The following INSYN2A variants were observed in gnomAD, a reference collection of about 807,000 sequenced individuals.
INSYN2A encodes inhibitory synaptic factor 2A.
A neutral mutation model predicts 39.4 loss-of-function variants in INSYN2A; 17 were observed. That is an observed-to-expected ratio of 0.43 (90% CI 0.30 to 0.65). The LOEUF (loss-of-function observed/expected upper bound fraction) is 0.65. INSYN2A is among the 30% of genes least tolerant of loss of function. The pLI, the probability that INSYN2A is intolerant of heterozygous loss-of-function variation, is 0.14. For missense variants in INSYN2A, 595 were observed against 631.2 expected, an observed-to-expected ratio of 0.94 and a Z score of 0.61; for synonymous variants, 255 against 265.7, an observed-to-expected ratio of 0.96 and a Z score of 0.39.
chr10:127,154,723 TTTTGGCC>T (rs2052865367), intron 4 of INSYN2A, among the ~76,000 whole-genome samples: 1 of 152,126 alleles, frequency 6.6e-6, no homozygotes, highest in Non-Finnish European at 1.5e-5. Context: ...GCCGGGCAGA[TTTTGGCC>T]TTTGTAGGGG....
At position 127,176,364 on chromosome 10, in the gene INSYN2A, A is replaced by G; in HGVS notation, c.32T>C (p.Leu11Pro). The G allele has an allele frequency of 6.2e-7, 1 of 1,612,382 alleles. No individual in the cohort carries two copies. Among genetic ancestry groups the G allele is most frequent in the Non-Finnish European group, 8.5e-7 (1 of 1,179,510 alleles). The change falls in exon 4 of 6, where the codon CTC (leucine) becomes CCC (proline). Residue 11 changes from leucine to proline, a missense_variant. By Grantham distance (98) the Leu-to-Pro change is moderately conservative. Coordinates refer to ENST00000522781, the MANE Select transcript of INSYN2A (RefSeq NM_001039762.3). The surrounding 1 kb of genome is among the most constrained non-coding windows in gnomAD (Gnocchi z 4.4). Reference sequence around the variant, plus strand: ...TTCCACTTCACTCTCCGACGTTGTGAGTATGCATTTGCCGGTGTCCTTACT... The same window carrying G: ...TTCCACTTCACTCTCCGACGTTGTGGGTATGCATTTGCCGGTGTCCTTACT... Reference protein sequence around the residue: MVSKDTGKCILTTSESEVEPA... With the variant: MVSKDTGKCIPTTSESEVEPA...
Position 127,183,071 on chromosome 10 carries a change from CTTTTTTTTTTT to C in INSYN2A, c.-268-5943_-268-5933del, listed in dbSNP as rs3066813. On this transcript the variant is annotated intron_variant, in intron 2 of 5. Coordinates refer to ENST00000522781, the MANE Select transcript of INSYN2A (RefSeq NM_001039762.3). ...CTTTGCCTTCCTGATTATGGTGAAT[CTTTTTTTTTTT>C]TTTTTTTTTTTTTTAACTAAACAGC... Among the ~76,000 whole-genome samples, 6 of 88,634 alleles carry C rather than the reference CTTTTTTTTTTT, an allele frequency of 6.8e-5. No individual in the cohort carries two copies. In the South Asian group the frequency reaches 2.4e-3, roughly 35 times the overall value. 58.1% of individuals were successfully genotyped at this position (88,634 alleles called of 152,430 possible).
Position 127,175,511 on chromosome 10 carries a change from G to T in INSYN2A, c.885C>A (p.Asn295Lys). The T allele has an allele frequency of 6.2e-7, 1 of 1,609,144 alleles. No individual in the cohort carries two copies. The highest frequency in any genetic ancestry group is 8.5e-7 in the Non-Finnish European group (1 of 1,180,006). Residue 295 changes from asparagine (N) to lysine (K), a missense_variant, in exon 4 of 6, where the codon AAC becomes AAA. By Grantham distance (94) the Asn-to-Lys change is moderately conservative. Transcript: ENST00000522781. The surrounding 1 kb of genome is among the most constrained non-coding windows in gnomAD (Gnocchi z 6.3). ...CAGTTTCCGAGGGCGCCTGGAGCCCGTTGAGATGTGTGGCTCTCCTCCGCT... is the reference window on the plus strand; with the variant it reads ...CAGTTTCCGAGGGCGCCTGGAGCCCTTTGAGATGTGTGGCTCTCCTCCGCT... ...DDERRRATHL[N>K]GLQAPSETAL...
At chr10:127,172,765 C>T (rs1399074531) in intron 4 of INSYN2A, among the ~76,000 whole-genome samples, 1 of 152,134 alleles carries the variant, frequency 6.6e-6, no homozygotes, top group South Asian at 2.1e-4. Flanking sequence ...TAAAGTAAAA[C>T]CATCCTTTGT....
intron 5 of INSYN2A, among the ~76,000 whole-genome samples, chr10:127,148,201 A>C (rs938536221): frequency 1.2e-4 from 18 of 152,304 alleles, no homozygotes; most frequent in African/African-American, 4.3e-4. Context: ...TCAGGTTCCA[A>C]GCCCACTCAT....
chr10:127,191,149 C>G (rs899581779), intron 2 of INSYN2A, among the ~76,000 whole-genome samples: 4 of 152,108 alleles, frequency 2.6e-5, no homozygotes, highest in Non-Finnish European at 5.9e-5. Context: ...CTGCTGGGCT[C>G]AGGAGTGCAA....
intron 4 of INSYN2A, among the ~76,000 whole-genome samples, chr10:127,173,275 C>T (rs577520208): frequency 6.6e-6 from 1 of 152,236 alleles, no homozygotes; most frequent in African/African-American, 2.4e-5. Context: ...TCTCAACTTA[C>T]AGGTGAAGAA....
At chr10:127,189,967 T>C (rs1425624855) in intron 2 of INSYN2A, among the ~76,000 whole-genome samples, 1 of 152,224 alleles carries the variant, frequency 6.6e-6, no homozygotes, top group African/African-American at 2.4e-5. Flanking sequence ...GACATCTCCT[T>C]CTCTCATGCT....
intron 5 of INSYN2A, 110 bp from the exon 6 acceptor site, chr10:127,138,130 T>G (rs1420089818): frequency 2.9e-5 from 28 of 978,040 alleles, no homozygotes; most frequent in Non-Finnish European, 3.6e-5. Context: ...TAATGTAATT[T>G]TATGGTTTAA....
chr10:127,185,155 AAATAT>A (rs1250195654), intron 2 of INSYN2A, among the ~76,000 whole-genome samples: 1 of 152,142 alleles, frequency 6.6e-6, no homozygotes, highest in Admixed American at 6.5e-5. Context: ...TCCTTAACAC[AAATAT>A]AAGTGTTCTG....
chr10:127,154,019 A>C (rs1215386024), intron 4 of INSYN2A, 96 bp from the exon 5 acceptor site: 5 of 829,170 alleles, frequency 6.0e-6, no homozygotes, highest in Non-Finnish European at 1.0e-5. Flanking sequence ...CCCAATGCCA[A>C]GCTCATCATG....
intron 5 of INSYN2A, among the ~76,000 whole-genome samples, chr10:127,152,656 C>T (rs1283455936): frequency 6.6e-6 from 1 of 152,242 alleles, no homozygotes; most frequent in Non-Finnish European, 1.5e-5. Flanking sequence ...AGCAGCATTC[C>T]TGGCCTCTAC....
intron 2 of INSYN2A, among the ~76,000 whole-genome samples, chr10:127,180,130 T>G (rs2055587443): frequency 6.6e-6 from 1 of 152,226 alleles, no homozygotes; most frequent in Non-Finnish European, 1.5e-5. Context: ...ATGATAAACT[T>G]GAAAACATCA....
chr10:127,155,274 G>A (rs2052928054), intron 4 of INSYN2A, among the ~76,000 whole-genome samples: 1 of 151,948 alleles, frequency 6.6e-6, no homozygotes. Flanking sequence ...ATCAACATTT[G>A]ACAAAAGGAT....
intron 5 of INSYN2A, among the ~76,000 whole-genome samples, chr10:127,140,929 T>C (rs957022601): frequency 1.3e-5 from 2 of 152,158 alleles, no homozygotes; most frequent in Admixed American, 6.5e-5. Flanking sequence ...AGATAGTGCC[T>C]GGGGGCCTGC....
At chr10:127,184,615 A>G (rs1236181237) in intron 2 of INSYN2A, among the ~76,000 whole-genome samples, 1 of 151,962 alleles carries the variant, frequency 6.6e-6, no homozygotes, top group African/African-American at 2.4e-5. Context: ...GATCATCTAT[A>G]CTTTTTCCTA....
chr10:127,167,697 G>C (rs2054203482), intron 4 of INSYN2A, among the ~76,000 whole-genome samples: 1 of 151,876 alleles, frequency 6.6e-6, no homozygotes, highest in South Asian at 2.1e-4. Context: ...ACAAAATCCA[G>C]GTCTCCTGAC....
At chr10:127,146,048 G>T in intron 5 of INSYN2A, 1 of 518,488 alleles carries the variant, frequency 1.9e-6, no homozygotes, top group South Asian at 1.4e-5. Flanking sequence ...CCCAGCCCTA[G>T]ACATCGTGGC....
chr10:127,153,874 T>A lies in INSYN2A; in HGVS notation c.1234A>T (p.Asn412Tyr). 6.2e-7 allele frequency: 1 copy of A among 1,612,766 alleles called. No individual in the cohort carries two copies. The highest frequency in any genetic ancestry group is 8.5e-7 in the Non-Finnish European group (1 of 1,178,764). The change falls in exon 5 of 6, where the codon AAC (asparagine) becomes TAC (tyrosine). Residue 412 changes from asparagine to tyrosine, a missense_variant. Transcript: ENST00000522781. ...QDTANCDTCR[N>Y]SACIIYSVEL... ...TACCTATAGATAATACATGCACTGT[T>A]CCTGCATGTGTCACAATTAGCTGTG...
Sources: allele counts gnomAD v4.1 joint callset (sites outside exome capture counted in the v4.1 genomes callset), GRCh38; gene constraint gnomAD v4.1.1; non-coding constraint Gnocchi (gnomAD v3.1); transcripts MANE v1.5; gene names NCBI Gene and HGNC (gene_info 2026-07-23, HGNC 2026-07-21).